Variants in MCM2 observed in about 807,000 individuals in gnomAD.
MCM2 encodes the protein DNA replication licensing factor MCM2.
In MCM2, 49 loss-of-function variants were observed where a neutral mutation model predicts 86.4. The ratio of observed to expected loss-of-function variants is 0.57; its 90% CI spans 0.45 to 0.72. The LOEUF is 0.72. Among genes scored for constraint, MCM2 ranks in the 30% least tolerant of loss-of-function variants. The pLI, the probability that MCM2 is intolerant of heterozygous loss-of-function variation, is 0.00. For missense variants in MCM2, 1,038 were observed against 1,259.9 expected, an observed-to-expected ratio of 0.82 and a Z score of 2.67; for synonymous variants, 475 against 484.6, an observed-to-expected ratio of 0.98 and a Z score of 0.26.
chr3:127,602,025 A>G (rs1254250968), intron 2 of MCM2, among the ~76,000 whole-genome samples: 1 of 152,190 alleles, frequency 6.6e-6, no homozygotes, highest in East Asian at 1.9e-4. Flanking sequence ...GAGGTTTTTT[A>G]CATATTCTGA....
At chr3:127,600,003 CAT>C (rs1256448239) in intron 2 of MCM2, among the ~76,000 whole-genome samples, 2 of 152,160 alleles carry the variant, frequency 1.3e-5, no homozygotes, top group Non-Finnish European at 2.9e-5. Context: ...TATTAGTAAA[CAT>C]GTGGTGGCTC....
chr3:127,620,060 G>A (rs1056275468), intron 13 of MCM2, among the ~76,000 whole-genome samples: 16 of 152,228 alleles, frequency 1.1e-4, no homozygotes, highest in Admixed American at 6.5e-4. Context: ...ATTTAAATGT[G>A]CATTCATTTG....
Position 127,604,351 on chromosome 3 carries a change from A to G in MCM2, c.237-257A>G, listed in dbSNP as rs1479822679. 9 of 460,900 alleles carry G rather than the reference A, an allele frequency of 2.0e-5. No individual in the cohort carries two copies. In the Admixed American group the frequency reaches 3.2e-4, roughly 17 times the overall value. The allele number at this position is 460,900 out of a possible 1,614,324, so 28.6% of individuals were successfully genotyped here. A position where few individuals can be genotyped will look rare whatever the true frequency, so the allele number is the denominator to read the frequency against. On this transcript the variant is annotated intron_variant, in intron 2 of 15. Coordinates refer to ENST00000265056, the MANE Select transcript of MCM2 (RefSeq NM_004526.4). ...TTCTTTCACTCAGAATCATGTCCTC[A>G]AGGTTCATCCATGTGCCAGCACGTG...
chr3:127,612,447 T>C (rs910139337), intron 8 of MCM2, among the ~76,000 whole-genome samples: 3 of 152,208 alleles, frequency 2.0e-5, no homozygotes, highest in Non-Finnish European at 4.4e-5. Context: ...AGAGTTGTTA[T>C]AAAGATCAAA....
intron 8 of MCM2, among the ~76,000 whole-genome samples, chr3:127,610,408 C>G (rs1168996619): frequency 6.6e-6 from 1 of 152,196 alleles, no homozygotes; most frequent in East Asian, 1.9e-4. Flanking sequence ...TGTGTCCAGG[C>G]TGCAGGTTAG....
chr3:127,606,502 CGGGCTGG>C lies in MCM2; in HGVS notation c.894-99_894-93del. 8.0e-7 allele frequency: 1 copy of C among 1,248,240 alleles called. No homozygotes were observed. Among genetic ancestry groups the C allele is most frequent in the Middle Eastern group, 2.6e-4 (1 of 3,898 alleles). 77.3% of individuals were successfully genotyped at this position (1,248,240 alleles called of 1,614,324 possible). On this transcript the variant is annotated intron_variant, in intron 5 of 15. Coordinates refer to ENST00000265056, the MANE Select transcript of MCM2 (RefSeq NM_004526.4). This position sits in a 1 kb window ranked among gnomAD's most constrained non-coding sequence, Gnocchi z 4.2. The stretch of plus-strand genomic sequence containing the variant: ...AGGAGTGTGATGGGAGGGATCTTCC[CGGGCTGG>C]GGGCTGGGCCCAATTTCCAGGACAG...
Position 127,606,411 on chromosome 3 carries a change from G to T in MCM2, c.893+74G>T, listed in dbSNP as rs951874687. On this transcript the variant is annotated intron_variant, in intron 5 of 15. Coordinates refer to ENST00000265056, the MANE Select transcript of MCM2 (RefSeq NM_004526.4). This position sits in a 1 kb window ranked among gnomAD's most constrained non-coding sequence, Gnocchi z 4.2. ...GACTCGGTCGTGATTCCTGAAGAGC[G>T]ATTGTGGTGTGGGCGGGGAGGGTGC... 6.7e-7 allele frequency: 1 copy of T among 1,482,020 alleles called. No individual in the cohort carries two copies. The highest frequency in any genetic ancestry group is 9.3e-7 in the Non-Finnish European group (1 of 1,074,240). 91.8% of individuals were successfully genotyped at this position (1,482,020 alleles called of 1,614,324 possible).
In MCM2 at chr3:127,621,696, T is replaced by G. The variant is rs759400096; in HGVS notation, c.2638T>G (p.Phe880Val). 6.2e-7 allele frequency: 1 copy of G among 1,614,002 alleles called. No individual in the cohort carries two copies. The highest frequency in any genetic ancestry group is 1.7e-5 in the Admixed American group (1 of 60,018). The change falls in exon 16 of 16, where the codon TTT becomes GTT. Residue 880 changes from phenylalanine (F) to valine (V), a missense_variant. Coordinates refer to ENST00000265056, the MANE Select transcript of MCM2 (RefSeq NM_004526.4). The part of the protein sequence containing the change: ...RQINIHNLSA[F>V]YDSELFRMNK... ...GATCAACATCCACAACCTCTCTGCA[T>G]TTTATGACAGTGAGCTCTTCAGGAT... is the stretch of plus-strand genomic sequence containing the variant.
Position 127,618,024 on chromosome 3 carries a change from C to T in MCM2, c.1956C>T (p.Pro652=), listed in dbSNP as rs763084980. ...TFSENVDLTE[P]IISRFDILCV... is the part of the protein sequence containing the mutation. ...CTGAGAACGTGGACCTCACAGAGCC[C>T]ATCATCTCACGCTTTGACATCCTGT... The change falls in exon 12 of 16, where the codon CCC becomes CCT. Residue 652 remains proline (P), a synonymous_variant. Transcript: ENST00000265056. This position sits in a 1 kb window ranked among gnomAD's most constrained non-coding sequence, Gnocchi z 4.0. The T allele has an allele frequency of 1.2e-6, 2 of 1,613,982 alleles. No homozygotes were observed. The highest frequency in any genetic ancestry group is 8.5e-7 in the Non-Finnish European group (1 of 1,180,024).
intron 1 of MCM2, 125 bp from the exon 2 acceptor site, chr3:127,599,187 GGGGTTT>G: frequency 2.7e-6 from 2 of 745,360 alleles, no homozygotes; most frequent in Non-Finnish European, 4.7e-6. Flanking sequence ...GAGGCTGGAA[GGGGTTT>G]GGTGTGTTGG....
chr3:127,604,374 G>A (rs1481700112), intron 2 of MCM2: 4 of 496,674 alleles, frequency 8.1e-6, no homozygotes, highest in South Asian at 3.5e-5. Flanking sequence ...GTGCCAGCAC[G>A]TGGCAGAATT....
In MCM2 at chr3:127,599,250, G is replaced by C. The variant is rs537900686; in HGVS notation, c.7-68G>C. ...GAGAAAGAAGGGAAGGCCCCTGATG[G>C]TAAAAAGGAAGCTGTATCATGCCTC... On this transcript the variant is annotated intron_variant, in intron 1 of 15. Transcript: ENST00000265056. 1.8e-5 allele frequency: 25 copies of C among 1,355,908 alleles called. No individual in the cohort carries two copies. In the East Asian group the frequency reaches 5.3e-4, roughly 29 times the overall value. The allele number at this position is 1,355,908 out of a possible 1,614,324, so 84.0% of individuals were successfully genotyped here.
At position 127,606,308 on chromosome 3, in the gene MCM2, G is replaced by A; in HGVS notation, c.864G>A (p.Leu288=). Residue 288 remains leucine (L), a synonymous_variant, in exon 5 of 16, where the codon CTG becomes CTA. Coordinates refer to ENST00000265056, the MANE Select transcript of MCM2 (RefSeq NM_004526.4). The surrounding 1 kb of genome is among the most constrained non-coding windows in gnomAD (Gnocchi z 4.2). ...ACATCCATGTCCGCATCTCCCACCT[G>A]CCTCTGGTGGAGGAGCTGCGCTCGC... is the stretch of plus-strand genomic sequence containing the variant. ...TNHIHVRISH[L]PLVEELRSLR... The A allele has an allele frequency of 1.2e-6, 2 of 1,614,278 alleles. No individual in the cohort carries two copies. The highest frequency in any genetic ancestry group is 1.7e-6 in the Non-Finnish European group (2 of 1,180,052).
chr3:127,618,923 A>G lies in MCM2; in HGVS notation c.2014-104A>G. The G allele has an allele frequency of 4.6e-6, 6 of 1,294,280 alleles. No homozygotes were observed. The highest frequency in any genetic ancestry group is 5.2e-6 in the Non-Finnish European group (5 of 966,038). 80.2% of individuals were successfully genotyped at this position (1,294,280 alleles called of 1,614,324 possible). On this transcript the variant is annotated intron_variant, in intron 12 of 15. Coordinates refer to ENST00000265056, the MANE Select transcript of MCM2 (RefSeq NM_004526.4). The surrounding 1 kb of genome is among the most constrained non-coding windows in gnomAD (Gnocchi z 4.0). ...GGTCAGTGTAGTCAGTCTTGTTGAA[A>G]GAGTGTCACCCTTGTAGGGCACACT...
chr3:127,609,873 GTC>G (rs1227011100), intron 8 of MCM2, among the ~76,000 whole-genome samples: 1 of 107,030 alleles, frequency 9.3e-6, no homozygotes, highest in East Asian at 3.2e-4. Context: ...TTGAGATGGA[GTC>G]TCTCTGTCAC....
intron 8 of MCM2, chr3:127,611,051 A>G (rs2074390777): frequency 2.3e-6 from 1 of 437,378 alleles, no homozygotes; most frequent in South Asian, 1.6e-5. Context: ...CAATAATAGG[A>G]AATAGACAAG....
At position 127,616,947 on chromosome 3, in the gene MCM2, G is replaced by A. The variant is rs1231831114; in HGVS notation, c.1602G>A (p.Lys534=). 6.2e-6 allele frequency: 10 copies of A among 1,614,040 alleles called. No individual in the cohort carries two copies. In the East Asian group the frequency reaches 8.9e-5, roughly 14 times the overall value. Residue 534 remains lysine (K), a synonymous_variant, in exon 10 of 16, where the codon AAG becomes AAA. Coordinates refer to ENST00000265056, the MANE Select transcript of MCM2 (RefSeq NM_004526.4). ...GCACAGCGAAGTCGCAGTTTCTCAA[G>A]TATATTGAGAAAGTGTCCAGCCGAG... ...DPGTAKSQFL[K]YIEKVSSRAI...
At chr3:127,607,497 G>A (rs2074360456) in intron 6 of MCM2, among the ~76,000 whole-genome samples, 1 of 152,158 alleles carries the variant, frequency 6.6e-6, no homozygotes, top group East Asian at 1.9e-4. Flanking sequence ...AAATGCCTCA[G>A]AGGTTCCACC....
chr3:127,608,589 G>C, intron 7 of MCM2, 73 bp downstream of exon 7: 1 of 1,582,734 alleles, frequency 6.3e-7, no homozygotes, highest in South Asian at 1.1e-5. Flanking sequence ...TGGCTGGGCC[G>C]GTGGCGGTGT....
Sources: gnomAD v4.1 joint callset for allele counts (sites outside exome capture counted in the v4.1 genomes callset) on GRCh38, gnomAD v4.1.1 for gene constraint, Gnocchi (gnomAD v3.1) non-coding constraint, MANE v1.5 for transcripts, NCBI Gene and HGNC (gene_info 2026-07-23, HGNC 2026-07-21) for gene names.